GGA3: variants seen among roughly 807,000 people sequenced by gnomAD.
GGA3 encodes the protein golgi associated, gamma adaptin ear containing, ARF binding protein 3, also known as ADP-ribosylation factor-binding protein GGA3.
Under a neutral mutation model 77.5 loss-of-function variants are expected in GGA3, and 57 were observed. That is an observed-to-expected ratio of 0.74 (90% CI 0.59 to 0.92). The LOEUF is 0.92. Among genes scored for constraint, GGA3 ranks in the 40% least tolerant of loss-of-function variants. GGA3 has a pLI of 0.00. For synonymous variants in GGA3, 416 were observed against 383.7 expected (o/e 1.08, Z -0.98); for missense variants, 970 against 914.9 (o/e 1.06, Z -0.78).
chr17:75,249,091 G>A (rs1292271764), intron 1 of GGA3: 3 of 764,750 alleles, frequency 3.9e-6, no homozygotes, highest in Non-Finnish European at 4.8e-6. Context: ...TGTCACCCAG[G>A]CTGGAGTGCA....
Position 75,237,737 on chromosome 17 carries a change from A to AG in GGA3, c.*541dup, listed in dbSNP as rs2076369191. On this transcript the variant is annotated 3_prime_UTR_variant, in exon 17 of 17. Coordinates refer to ENST00000537686, the MANE Select transcript of GGA3 (RefSeq NM_138619.4). ...AGGGCTGGGGACTTTGCAGTATGCCAGTTCCTTATTCTGGGCCAGGCACCT... is the reference window on the plus strand; with the variant it reads ...AGGGCTGGGGACTTTGCAGTATGCCAGGTTCCTTATTCTGGGCCAGGCACCT... 1 of 1,433,734 alleles carries AG rather than the reference A, an allele frequency of 7.0e-7. No individual in the cohort carries two copies. Among genetic ancestry groups the AG allele is most frequent in the Non-Finnish European group, 9.1e-7 (1 of 1,097,546 alleles). The allele number at this position is 1,433,734 out of a possible 1,614,324, so 88.8% of individuals were successfully genotyped here.
intron 7 of GGA3, 94 bp from the exon 8 acceptor site, chr17:75,242,567 G>A (rs2076598500): frequency 6.8e-7 from 1 of 1,461,074 alleles, no homozygotes; most frequent in Middle Eastern, 1.9e-4. Context: ...CACAAGTACA[G>A]ACGCTCGGAA....
chr17:75,246,734 G>T lies in GGA3; in HGVS notation c.103C>A (p.Gln35Lys). The T allele has an allele frequency of 1.2e-6, 2 of 1,613,850 alleles. No individual in the cohort carries two copies. Among genetic ancestry groups the T allele is most frequent in the Non-Finnish European group, 1.7e-6 (2 of 1,179,812 alleles). ...DWEYIIGFCDQINKELEGPQI... is the reference protein window; with the variant it reads ...DWEYIIGFCDKINKELEGPQI... The stretch of plus-strand genomic sequence containing the variant: ...CACCCTTCCAGCTCCTTGTTGATCT[G>T]ATCACAGAAGCCAATTATGTATTCC... Residue 35 changes from glutamine (Q) to lysine (K), a missense_variant, in exon 2 of 17, where the codon CAG (glutamine) becomes AAG (lysine). Gln to Lys is a moderately conservative substitution (Grantham distance 53). Transcript: ENST00000537686.
At position 75,237,589 on chromosome 17, in the gene GGA3, T is replaced by C. The variant is rs2076363587; in HGVS notation, c.*690A>G. 3 of 1,534,442 alleles carry C rather than the reference T, an allele frequency of 2.0e-6. No individual in the cohort carries two copies. Among genetic ancestry groups the C allele is most frequent in the East Asian group, 2.4e-5 (1 of 40,912 alleles). ...TTTCCTTCCTATCCCTAGTTGGGCC[T>C]GTCATGAGGCCAAATTCCATGTCCT... On this transcript the variant is annotated 3_prime_UTR_variant, in exon 17 of 17. Transcript: ENST00000537686.
chr17:75,241,719 A>T, intron 8 of GGA3, 23 bp from the exon 9 acceptor site: 1 of 1,601,948 alleles, frequency 6.2e-7, no homozygotes, highest in Non-Finnish European at 8.6e-7. Flanking sequence ...CGGACATAAA[A>T]ATCAAACCAC....
At chr17:75,249,103 T>C (rs2076871540) in intron 1 of GGA3, 1 of 593,498 alleles carries the variant, frequency 1.7e-6, no homozygotes, top group Non-Finnish European at 2.1e-6. Context: ...TGGAGTGCAG[T>C]GGCGCGATCT....
intron 1 of GGA3, among the ~76,000 whole-genome samples, chr17:75,258,288 T>G (rs76340536): frequency 1.3e-5 from 2 of 152,130 alleles, no homozygotes; most frequent in Non-Finnish European, 2.9e-5. Context: ...ATGAAACCTA[T>G]ATCAAATCAA....
chr17:75,255,452 C>A (rs868638484), intron 1 of GGA3, among the ~76,000 whole-genome samples: 1 of 152,116 alleles, frequency 6.6e-6, no homozygotes, highest in African/African-American at 2.4e-5. Flanking sequence ...GTATTCCCCC[C>A]CACCTTAACC....
At chr17:75,261,639 C>T (rs750868322), upstream of GGA3, 1 of 1,482,220 alleles carries the variant, frequency 6.7e-7, no homozygotes, top group East Asian at 2.5e-5. Context: ...TCTGCACGAG[C>T]TGAGACGGGG....
intron 5 of GGA3, 52 bp downstream of exon 5, chr17:75,243,395 C>G (rs759176428): frequency 5.0e-6 from 8 of 1,609,820 alleles, no homozygotes; most frequent in Non-Finnish European, 6.8e-6. Context: ...CTCTCCTTGC[C>G]TGGGCCAGCC....
chr17:75,262,003 C>CG (rs200739528), upstream of GGA3: 979 of 1,450,236 alleles, frequency 6.8e-4, 3 homozygotes, highest in African/African-American at 0.013. Flanking sequence ...TGGCGAGCAG[C>CG]GGCGGGGGGG....
intron 1 of GGA3, among the ~76,000 whole-genome samples, chr17:75,251,523 T>C (rs887551892): frequency 1.3e-5 from 2 of 151,740 alleles, no homozygotes; most frequent in Non-Finnish European, 2.9e-5. Context: ...CTGGCTAAGA[T>C]AGTGAAACCC....
At chr17:75,242,048 T>A (rs778710291) in intron 8 of GGA3, 2 of 547,696 alleles carry the variant, frequency 3.7e-6, no homozygotes, top group Non-Finnish European at 6.6e-6. Context: ...GTCCCCAAGG[T>A]AGTAAGGAAA....
intron 1 of GGA3, among the ~76,000 whole-genome samples, chr17:75,252,943 A>C (rs9901002): frequency 0.87 from 132,684 of 152,176 alleles, 58,514 homozygotes; most frequent in East Asian, 1. Context: ...CCACCACACC[A>C]TTTGCTGACT....
intron 4 of GGA3, among the ~76,000 whole-genome samples, chr17:75,243,962 C>A (rs2076665080): frequency 6.6e-6 from 1 of 152,144 alleles, no homozygotes; most frequent in Non-Finnish European, 1.5e-5. Context: ...AGAGACCATG[C>A]CCTCGGTGCT....
intron 16 of GGA3, 100 bp from the exon 17 acceptor site, chr17:75,238,489 T>TC (rs2076399084): frequency 3.6e-6 from 4 of 1,118,688 alleles, no homozygotes; most frequent in Non-Finnish European, 5.2e-6. Context: ...TGGTCCCTTT[T>TC]CCCCGCAACC....
At chr17:75,242,556 A>C in intron 7 of GGA3, 83 bp from the exon 8 acceptor site, 5 of 1,503,048 alleles carry the variant, frequency 3.3e-6, no homozygotes, top group African/African-American at 1.4e-5. Flanking sequence ...TTACCCCACA[A>C]CACAAGTACA....
At chr17:75,239,670 C>G (rs753208986) in intron 13 of GGA3, 99 bp from the exon 14 acceptor site, 9 of 1,464,988 alleles carry the variant, frequency 6.1e-6, no homozygotes, top group Non-Finnish European at 8.6e-6. Context: ...AGGCCCACCC[C>G]TTGCCTTCCA....
chr17:75,253,572 T>A lies in GGA3; in HGVS notation c.41-6776A>T, dbSNP rs576417658. Among the ~76,000 whole-genome samples the A allele has an allele frequency of 6.6e-5, 10 of 152,270 alleles. No individual in the cohort carries two copies. In the East Asian group the frequency reaches 1.9e-3, roughly 29 times the overall value. On this transcript the variant is annotated intron_variant, in intron 1 of 16. Coordinates refer to ENST00000537686, the MANE Select transcript of GGA3 (RefSeq NM_138619.4). The stretch of plus-strand genomic sequence containing the variant: ...TGTCTCTACCCCTTCTCTGCATTTC[T>A]GGGGGAGGGGCAAGTACCCCTCAAC...
Sources: allele counts gnomAD v4.1 joint callset (sites outside exome capture counted in the v4.1 genomes callset), GRCh38; gene constraint gnomAD v4.1.1; transcripts MANE v1.5; gene names NCBI Gene and HGNC (gene_info 2026-07-23, HGNC 2026-07-21).